The following FLT4 variants were observed in gnomAD, a reference collection of about 807,000 sequenced individuals.
FLT4 encodes vascular endothelial growth factor receptor 3.
Under a neutral mutation model 163.2 loss-of-function variants are expected in FLT4, and 30 were observed. That is an observed-to-expected ratio of 0.18 (90% CI 0.14 to 0.25). The LOEUF is 0.25. Among genes scored for constraint, FLT4 ranks in the 10% least tolerant of loss-of-function variants. The probability of loss-of-function intolerance (pLI) is 1.00; values close to 1 mark genes in which losing one functional copy is unlikely to be tolerated. For missense variants in FLT4, 1,510 were observed against 1,863.8 expected, an observed-to-expected ratio of 0.81 and a Z score of 3.50; for synonymous variants, 884 against 789.5, an observed-to-expected ratio of 1.12 and a Z score of -2.01.
chr5:180,650,113 G>T (rs566215621), upstream of FLT4, among the ~76,000 whole-genome samples: 4 of 149,862 alleles, frequency 2.7e-5, no homozygotes, highest in South Asian at 6.6e-4. Context: ...GCTTGAACCC[G>T]GGAGAAGGAG....
intron 14 of FLT4, 32 bp from the exon 15 acceptor site, chr5:180,621,039 C>G (rs2127814426): frequency 6.2e-7 from 1 of 1,611,298 alleles, no homozygotes; most frequent in Non-Finnish European, 8.5e-7. Flanking sequence ...TGCGGGTCCA[C>G]CTGGGTTTGG....
intron 29 of FLT4, 80 bp from the exon 30 acceptor site, chr5:180,603,470 G>C (rs1761615635): frequency 7.6e-7 from 1 of 1,319,466 alleles, no homozygotes; most frequent in Non-Finnish European, 1.1e-6. Context: ...CCCAGTACTT[G>C]GGAGGCCTAG....
rs778453271 is a variant in FLT4, at chr5:180,621,602, C to G, written c.1960G>C (p.Glu654Gln). The change falls in exon 13 of 30, where the codon GAA becomes CAA. Residue 654 changes from glutamate (E) to glutamine (Q), a missense_variant. By Grantham distance (29) the Glu-to-Gln change is conservative (BLOSUM62 2). Transcript: ENST00000261937. ...TCATGGCTGCGCCGGTCTTGCACTTCGCACACATAGTGGCCCTCGTGCTCG... is the reference window on the plus strand; with the variant it reads ...TCATGGCTGCGCCGGTCTTGCACTTGGCACACATAGTGGCCCTCGTGCTCG... ...APEHEGHYVC[E>Q]VQDRRSHDKH... The G allele has an allele frequency of 1.2e-6, 2 of 1,609,602 alleles. No homozygotes were observed. The highest frequency in any genetic ancestry group is 8.5e-7 in the Non-Finnish European group (1 of 1,177,712).
chr5:180,603,903 T>TAAAAA (rs3053717), intron 29 of FLT4, among the ~76,000 whole-genome samples: 9,424 of 142,602 alleles, frequency 0.066, 862 homozygotes, highest in African/African-American at 0.2. Flanking sequence ...GACTCCATCT[T>TAAAAA]AAAAAAAAAA....
At position 180,625,824 on chromosome 5, in the gene FLT4, G is replaced by C. The variant is rs1351300543; in HGVS notation, c.1421+45C>G. On this transcript the variant is annotated intron_variant, in intron 10 of 29. Transcript: ENST00000261937. ...AGGAGGTTCCTCATGGCTGAGGCTG[G>C]GGGCTGTGGCTGTGCAGGGGACCTG... 3 of 1,584,218 alleles carry C rather than the reference G, an allele frequency of 1.9e-6. No homozygotes were observed. In the Admixed American group the frequency reaches 5.1e-5, roughly 27 times the overall value.
At chr5:180,626,728 G>A (rs1021954345) in intron 8 of FLT4, among the ~76,000 whole-genome samples, 1 of 152,340 alleles carries the variant, frequency 6.6e-6, no homozygotes. Context: ...GACACCTGAA[G>A]GAGTGGAGGT....
intron 1 of FLT4, among the ~76,000 whole-genome samples, chr5:180,649,004 C>G (rs1291073910): frequency 6.6e-6 from 1 of 152,174 alleles, no homozygotes; most frequent in Non-Finnish European, 1.5e-5. Flanking sequence ...CCGCCTCGAG[C>G]GCCCTCTGGG....
Position 180,623,499 on chromosome 5 carries a change from A to C in FLT4, c.1548+436T>G, listed in dbSNP as rs1204864319. ...GGACTGGAACAGGAAGAGGCTCTGG[A>C]GGTGTGTAGGAAAACAGGAAGTGAC... is the stretch of plus-strand genomic sequence containing the variant. On this transcript the variant is annotated intron_variant, in intron 11 of 29. Coordinates refer to ENST00000261937, the MANE Select transcript of FLT4 (RefSeq NM_182925.5). The surrounding 1 kb of genome is among the most constrained non-coding windows in gnomAD (Gnocchi z 5.8). 7.1e-6 allele frequency among the ~76,000 whole-genome samples: 1 copy of C among 139,956 alleles called. No homozygotes were observed. The highest frequency in any genetic ancestry group is 2.4e-4 in the East Asian group (1 of 4,110). The allele number at this position is 139,956 out of a possible 152,430, so 91.8% of individuals were successfully genotyped here. A position where few individuals can be genotyped will look rare whatever the true frequency, so the allele number is the denominator to read the frequency against.
Position 180,618,767 on chromosome 5 carries a change from C to A in FLT4, c.3001+3G>T. The A allele has an allele frequency of 6.3e-7, 1 of 1,586,948 alleles. No homozygotes were observed. The highest frequency in any genetic ancestry group is 2.3e-5 in the East Asian group (1 of 43,124). On this transcript the variant is annotated splice_donor_region_variant and intron_variant, in intron 21 of 29. Coordinates refer to ENST00000261937, the MANE Select transcript of FLT4 (RefSeq NM_182925.5). ...AGGAAAAGGGAAGAGGCCAGGCTCT[C>A]ACCTTCTTGGTCTGGAGAAGCCCGC...
In FLT4 at chr5:180,630,683, G is replaced by C; in HGVS notation, c.272C>G (p.Pro91Arg). 1 of 1,613,090 alleles carries C rather than the reference G, an allele frequency of 6.2e-7. No individual in the cohort carries two copies. Among genetic ancestry groups the C allele is most frequent in the South Asian group, 1.1e-5 (1 of 91,076 alleles). ...VRDCEGTDAR[P>R]YCKVLLLHEV... Reference sequence around the variant, plus strand: ...GTGCAGCAGCAACACCTTGCAGTAGGGCCTGGCGTCTGTGCCCTCGCAGTC... The same window carrying C: ...GTGCAGCAGCAACACCTTGCAGTAGCGCCTGGCGTCTGTGCCCTCGCAGTC... The change falls in exon 3 of 30, where the codon CCC becomes CGC. Residue 91 changes from proline (P) to arginine (R), a missense_variant. By Grantham distance (103) the Pro-to-Arg change is moderately radical. Around this residue, in one of 5 missense-constraint regions of FLT4, gnomAD observed 157 missense variants for 178.7 expected, o/e 0.88. Coordinates refer to ENST00000261937, the MANE Select transcript of FLT4 (RefSeq NM_182925.5). The surrounding 1 kb of genome is among the most constrained non-coding windows in gnomAD (Gnocchi z 6.3).
intron 1 of FLT4, among the ~76,000 whole-genome samples, chr5:180,644,249 T>A (rs307810): frequency 0.39 from 59,734 of 152,090 alleles, 12,628 homozygotes; most frequent in Middle Eastern, 0.48. Context: ...GAAGCCATAG[T>A]ATGTGTGGGC....
Position 180,620,839 on chromosome 5 carries a change from C to T in FLT4, c.2299+37G>A, listed in dbSNP as rs200829479. 5.0e-6 allele frequency: 8 copies of T among 1,609,384 alleles called. No homozygotes were observed. Among genetic ancestry groups the T allele is most frequent in the African/African-American group, 2.7e-5 (2 of 74,972 alleles). ...GCCACAAGAAAGCGTTAACTGGGGA[C>T]GGGAAGGGAGTTGAGGGGTGCAGCC... On this transcript the variant is annotated intron_variant, in intron 15 of 29. Transcript: ENST00000261937. This position sits in a 1 kb window ranked among gnomAD's most constrained non-coding sequence, Gnocchi z 4.4.
chr5:180,620,135 CAGG>C lies in FLT4; in HGVS notation c.2542+35_2542+37del, dbSNP rs1300936731. 1.9e-6 allele frequency: 3 copies of C among 1,590,750 alleles called. No homozygotes were observed. The African/African-American group carries it at 4.0e-5, about 21-fold the overall frequency. ...TCCGGCCTGCAGCAGGTGGGTCGGGCAGGAGGTGTGGGTTGGGCAGGCTGGTGC... is the reference window on the plus strand; with the variant it reads ...TCCGGCCTGCAGCAGGTGGGTCGGGCAGGTGTGGGTTGGGCAGGCTGGTGC... On this transcript the variant is annotated intron_variant, in intron 17 of 29. Transcript: ENST00000261937. This position sits in a 1 kb window ranked among gnomAD's most constrained non-coding sequence, Gnocchi z 4.4.
chr5:180,628,187 C>T (rs185732965), intron 8 of FLT4, among the ~76,000 whole-genome samples: 29 of 152,318 alleles, frequency 1.9e-4, no homozygotes, highest in Non-Finnish European at 3.5e-4. Context: ...CTCGTCTATG[C>T]AATGGGGACT....
intron 26 of FLT4, 172 bp from the exon 27 acceptor site, chr5:180,611,651 C>T (rs992638080): frequency 1.4e-6 from 1 of 705,832 alleles, no homozygotes. Flanking sequence ...CCTCGCTCTG[C>T]CCTCGGGACT....
At chr5:180,629,114 G>T in intron 7 of FLT4, 115 bp from the exon 8 acceptor site, 2 of 1,428,158 alleles carry the variant, frequency 1.4e-6, no homozygotes, top group Non-Finnish European at 2.0e-6. Context: ...ACTGGGGCTG[G>T]CCATGCCGCC....
chr5:180,630,842 C>T lies in FLT4; in HGVS notation c.156-43G>A, dbSNP rs777246763. ...TGGTCAGGTGGGCCCCAGGGCAGCCCATGGGGACTGTCCCTGAGAAGCCTC... is the reference window on the plus strand; with the variant it reads ...TGGTCAGGTGGGCCCCAGGGCAGCCTATGGGGACTGTCCCTGAGAAGCCTC... On this transcript the variant is annotated intron_variant, in intron 2 of 29. Coordinates refer to ENST00000261937, the MANE Select transcript of FLT4 (RefSeq NM_182925.5). The surrounding 1 kb of genome is among the most constrained non-coding windows in gnomAD (Gnocchi z 6.3). The T allele has an allele frequency of 2.6e-6, 4 of 1,565,970 alleles. No homozygotes were observed. In the African/African-American group the frequency reaches 4.0e-5, roughly 16 times the overall value.
At chr5:180,648,116 G>A (rs1243889140) in intron 1 of FLT4, among the ~76,000 whole-genome samples, 1 of 152,192 alleles carries the variant, frequency 6.6e-6, no homozygotes, top group East Asian at 1.9e-4. Context: ...CAGCCCTGCA[G>A]TCCAACCAAG....
rs1310505137 is a variant in FLT4 at position 180,620,204 on chromosome 5, C to G, written c.2511G>C (p.Gln837His). ...QCEYLSYDASQWEFPRERLHL... is the reference protein window; with the variant it reads ...QCEYLSYDASHWEFPRERLHL... ...GCAGCCGCTCTCGGGGGAATTCCCA[C>G]TGGCTGGCATCGTAGGACAGGTATT... Residue 837 changes from glutamine to histidine, a missense_variant, in exon 17 of 30, where the codon CAG becomes CAC. By Grantham distance (24) the Gln-to-His change is conservative. Transcript: ENST00000261937. The surrounding 1 kb of genome is among the most constrained non-coding windows in gnomAD (Gnocchi z 4.4). 1 of 1,610,236 alleles carries G rather than the reference C, an allele frequency of 6.2e-7. No homozygotes were observed. Among genetic ancestry groups the G allele is most frequent in the East Asian group, 2.2e-5 (1 of 44,872 alleles).
Sources: gnomAD v4.1 joint callset for allele counts (sites outside exome capture counted in the v4.1 genomes callset) on GRCh38, gnomAD v4.1.1 for gene constraint, gnomAD v4.1.1 regional missense constraint, Gnocchi (gnomAD v3.1) non-coding constraint, MANE v1.5 for transcripts, NCBI Gene and HGNC (gene_info 2026-07-23, HGNC 2026-07-21) for gene names.